The following TMTC1 variants were observed in gnomAD, a reference collection of about 807,000 sequenced individuals.
TMTC1 encodes protein O-mannosyl-transferase TMTC1.
TMTC1 carries 73 observed loss-of-function variants against 104.8 expected under a neutral mutation model. The observed-to-expected ratio is 0.70, with a 90% CI of 0.58 to 0.85. The LOEUF (loss-of-function observed/expected upper bound fraction) is 0.85. TMTC1 is among the 40% of genes least tolerant of loss of function. The probability of loss-of-function intolerance (pLI) is 0.00; values close to 1 mark genes in which losing one functional copy is unlikely to be tolerated. For missense variants in TMTC1, 1,035 were observed against 1,096.1 expected, an observed-to-expected ratio of 0.94 and a Z score of 0.79; for synonymous variants, 434 against 428.7, an observed-to-expected ratio of 1.01 and a Z score of -0.15.
intron 7 of TMTC1, among the ~76,000 whole-genome samples, chr12:29,586,724 T>C (rs1241962181): frequency 1.4e-5 from 2 of 147,334 alleles, no homozygotes; most frequent in Non-Finnish European, 1.5e-5. Flanking sequence ...TCTGTTTACA[T>C]GCTGGATTAC....
At chr12:29,527,746 A>G (rs1944389349) in intron 11 of TMTC1, among the ~76,000 whole-genome samples, 1 of 152,168 alleles carries the variant, frequency 6.6e-6, no homozygotes, top group African/African-American at 2.4e-5. Flanking sequence ...ATCTAATATT[A>G]CTTTTTTTCC....
At chr12:29,623,766 T>C (rs946042944) in intron 6 of TMTC1, among the ~76,000 whole-genome samples, 3 of 151,992 alleles carry the variant, frequency 2.0e-5, no homozygotes, top group Non-Finnish European at 2.9e-5. Context: ...TGAGCCAAGA[T>C]TGTGCCACTG....
chr12:29,633,283 G>A lies in TMTC1; in HGVS notation c.992C>T (p.Pro331Leu). 6.2e-7 allele frequency: 1 copy of A among 1,613,792 alleles called. No individual in the cohort carries two copies. Among genetic ancestry groups the A allele is most frequent in the Non-Finnish European group, 8.5e-7 (1 of 1,179,864 alleles). Reference protein sequence around the residue: ...LAFNVWLLLAPVTLCYDWQVG... With the variant: ...LAFNVWLLLALVTLCYDWQVG... ...CTGCCAGTCATAGCACAGGGTCACG[G>A]GTGCAAGCAGAAGCCACACATTGAA... Residue 331 changes from proline (P) to leucine (L), a missense_variant, in exon 6 of 18, where the codon CCC becomes CTC. Pro to Leu is a moderately conservative substitution (Grantham distance 98). Coordinates refer to ENST00000539277, the MANE Select transcript of TMTC1 (RefSeq NM_001193451.2).
intron 5 of TMTC1, among the ~76,000 whole-genome samples, chr12:29,737,990 T>A (rs1177697836): frequency 6.6e-6 from 1 of 152,160 alleles, no homozygotes; most frequent in Non-Finnish European, 1.5e-5. Context: ...ACAGGCAACT[T>A]ATTATCCACT....
rs753480112 is a variant in TMTC1, at chr12:29,514,592, T to C, written c.2320A>G (p.Ile774Val). The change falls in exon 16 of 18, where the codon ATA becomes GTA. Residue 774 changes from isoleucine to valine, a missense_variant. Coordinates refer to ENST00000539277, the MANE Select transcript of TMTC1 (RefSeq NM_001193451.2). Reference protein sequence around the residue: ...QENHDKALDAIDKALQLKPKD... With the variant: ...QENHDKALDAVDKALQLKPKD... ...GGTTTCAGCTGGAGAGCCTTGTCTA[T>C]AGCATCAAGTGCCTGCAGAGGTTGG... The C allele has an allele frequency of 6.8e-6, 11 of 1,613,018 alleles. No homozygotes were observed. Among genetic ancestry groups the C allele is most frequent in the Non-Finnish European group, 7.6e-6 (9 of 1,179,776 alleles).
At chr12:29,675,611 CACACACACACACACACACA>C (rs377535425) in intron 5 of TMTC1, among the ~76,000 whole-genome samples, 34,502 of 148,748 alleles carry the variant, frequency 0.23, 4,142 homozygotes, top group Admixed American at 0.32. Context: ...CACACACACA[CACACACACACACACACACA>C]CCCTCCATGA....
intron 5 of TMTC1, among the ~76,000 whole-genome samples, chr12:29,710,987 A>ATAT (rs1555190495): frequency 1.5e-5 from 2 of 136,024 alleles, no homozygotes; most frequent in African/African-American, 2.8e-5. Flanking sequence ...ATATATATAT[A>ATAT]TTTTTTCCCC....
At chr12:29,628,608 G>C (rs1197154814) in intron 6 of TMTC1, among the ~76,000 whole-genome samples, 2 of 152,158 alleles carry the variant, frequency 1.3e-5, no homozygotes, top group Admixed American at 1.3e-4. Context: ...GGCTTCATCT[G>C]CATGGTAAAA....
intron 5 of TMTC1, among the ~76,000 whole-genome samples, chr12:29,710,312 G>T (rs1361105774): frequency 6.6e-6 from 1 of 151,932 alleles, no homozygotes; most frequent in Non-Finnish European, 1.5e-5. Flanking sequence ...GGCTGCTCTT[G>T]CTCCCAGCTG....
intron 8 of TMTC1, among the ~76,000 whole-genome samples, chr12:29,575,203 A>C (rs1333124536): frequency 6.6e-6 from 1 of 152,148 alleles, no homozygotes; most frequent in Non-Finnish European, 1.5e-5. Context: ...GAATGATAAA[A>C]TATAGACAGA....
intron 8 of TMTC1, among the ~76,000 whole-genome samples, chr12:29,578,284 AT>A (rs1264883379): frequency 6.6e-6 from 1 of 151,834 alleles, no homozygotes; most frequent in Non-Finnish European, 1.5e-5. Flanking sequence ...TCTCTGTGAT[AT>A]TTTTCTGCTA....
At position 29,501,595 on chromosome 12, in the gene TMTC1, A is replaced by G. The variant is rs543897961; in HGVS notation, c.*5251T>C. 3.9e-5 allele frequency: 6 copies of G among 152,284 alleles called. No homozygotes were observed. The South Asian group carries it at 6.2e-4, about 16-fold the overall frequency. 9.4% of individuals were successfully genotyped at this position (152,284 alleles called of 1,614,324 possible). On this transcript the variant is annotated 3_prime_UTR_variant, in exon 18 of 18. Transcript: ENST00000539277. ...AAATAACCCCCAAAGGACATCACACATACTGAAAACTACCAAATTTGTTAC... is the reference window on the plus strand; with the variant it reads ...AAATAACCCCCAAAGGACATCACACGTACTGAAAACTACCAAATTTGTTAC...
At chr12:29,751,951 C>T in intron 4 of TMTC1, 79 bp from the exon 5 acceptor site, 1 of 1,342,178 alleles carries the variant, frequency 7.5e-7, no homozygotes. Context: ...GTAAACTGCC[C>T]CACCCACAAG....
chr12:29,538,112 A>C (rs957181339), intron 10 of TMTC1, among the ~76,000 whole-genome samples: 2 of 152,144 alleles, frequency 1.3e-5, no homozygotes, highest in African/African-American at 4.8e-5. Context: ...CATGTCCTTA[A>C]GTGGATTGTC....
At chr12:29,556,780 A>G in intron 10 of TMTC1, 77 bp downstream of exon 10, 2 of 1,584,056 alleles carry the variant, frequency 1.3e-6, no homozygotes, top group South Asian at 1.1e-5. Flanking sequence ...AGTGCAGCAC[A>G]ATCAAATGAG....
chr12:29,593,781 AC>A (rs1946341665), intron 7 of TMTC1, among the ~76,000 whole-genome samples: 1 of 152,220 alleles, frequency 6.6e-6, no homozygotes, highest in Admixed American at 6.5e-5. Context: ...TTGCATTCAA[AC>A]CTGATAAGAA....
intron 11 of TMTC1, 113 bp downstream of exon 11, chr12:29,536,096 A>T: frequency 2.7e-6 from 2 of 732,080 alleles, no homozygotes; most frequent in Non-Finnish European, 4.7e-6. Context: ...TGACATAGAG[A>T]TTGGTTGTCC....
chr12:29,642,663 C>T (rs192934792), intron 5 of TMTC1, among the ~76,000 whole-genome samples: 78 of 152,158 alleles, frequency 5.1e-4, no homozygotes, highest in African/African-American at 1.7e-3. Context: ...CAGTGGCTCA[C>T]GCCTGTAATC....
chr12:29,643,691 T>TATAATAATAAA (rs1555180766), intron 5 of TMTC1, among the ~76,000 whole-genome samples: 3 of 2,212 alleles, frequency 1.4e-3, no homozygotes, highest in African/African-American at 5.1e-3. Context: ...ATTATATATA[T>TATAATAATAAA]TATATATATT....
Sources: allele counts gnomAD v4.1 joint callset (sites outside exome capture counted in the v4.1 genomes callset), GRCh38; gene constraint gnomAD v4.1.1; transcripts MANE v1.5; gene names NCBI Gene and HGNC (gene_info 2026-07-23, HGNC 2026-07-21).